The following SLC38A4 variants were observed in gnomAD, a reference collection of about 807,000 sequenced individuals.
SLC38A4 encodes solute carrier family 38 member 4.
Under a neutral mutation model 63.1 loss-of-function variants are expected in SLC38A4, and 20 were observed. The ratio of observed to expected loss-of-function variants is 0.32; its 90% CI spans 0.22 to 0.46. The LOEUF (loss-of-function observed/expected upper bound fraction) is 0.46. SLC38A4 is among the 20% of genes least tolerant of loss of function. SLC38A4 has a pLI of 1.00. For missense variants in SLC38A4, 526 were observed against 663.6 expected (o/e 0.79, Z 2.28); for synonymous variants, 230 against 225.5 (o/e 1.02, Z -0.18).
intron 14 of SLC38A4, among the ~76,000 whole-genome samples, chr12:46,773,999 G>A (rs1198113475): frequency 6.6e-6 from 1 of 151,938 alleles, no homozygotes; most frequent in East Asian, 1.9e-4. Context: ...GTTTATAGTT[G>A]TCTTCTGTCT....
chr12:46,769,519 T>G, intron 14 of SLC38A4, 91 bp from the exon 15 acceptor site: 10 of 1,383,558 alleles, frequency 7.2e-6, no homozygotes, highest in Non-Finnish European at 9.8e-6. Flanking sequence ...ATGCATTTTC[T>G]TTCCTTTTCT....
rs954597238 is a variant in SLC38A4 at position 46,764,805 on chromosome 12, G to T, written c.*1896C>A. 1 of 152,302 alleles carries T rather than the reference G, an allele frequency of 6.6e-6. No homozygotes were observed. The highest frequency in any genetic ancestry group is 2.4e-5 in the African/African-American group (1 of 41,408). The allele number at this position is 152,302 out of a possible 1,614,324, so 9.4% of individuals were successfully genotyped here. ...TATTATATACCAATATACACTTTCTGTAATAAAAAAGAAGCCTCCCAATAC... is the reference window on the plus strand; with the variant it reads ...TATTATATACCAATATACACTTTCTTTAATAAAAAAGAAGCCTCCCAATAC... On this transcript the variant is annotated 3_prime_UTR_variant, in exon 17 of 17. Transcript: ENST00000266579.
At chr12:46,826,012 T>C, upstream of SLC38A4, 1 of 152,402 alleles carries the variant, frequency 6.6e-6, no homozygotes, top group Non-Finnish European at 1.5e-5. Context: ...GCCCAGGACG[T>C]GCGGTCACTG....
At chr12:46,831,437 G>T (rs1435474149) in intron 1 of SLC38A4, among the ~76,000 whole-genome samples, 2 of 152,106 alleles carry the variant, frequency 1.3e-5, no homozygotes, top group Admixed American at 1.3e-4. Flanking sequence ...TCTTAGCTCG[G>T]TTGCCGCGAC....
upstream of SLC38A4, among the ~76,000 whole-genome samples, chr12:46,830,729 C>T (rs1015111127): frequency 1.3e-5 from 2 of 152,154 alleles, no homozygotes; most frequent in African/African-American, 4.8e-5. Context: ...GGAGAGTCTG[C>T]GGGAAGTGCC....
At chr12:46,805,565 A>G (rs117193269) in intron 1 of SLC38A4, among the ~76,000 whole-genome samples, 2 of 151,970 alleles carry the variant, frequency 1.3e-5, no homozygotes, top group Non-Finnish European at 2.9e-5. Flanking sequence ...TATAATTATA[A>G]TTTAATGTTC....
At chr12:46,821,110 T>C (rs375418029) in intron 1 of SLC38A4, among the ~76,000 whole-genome samples, 205 of 152,236 alleles carry the variant, frequency 1.3e-3, no homozygotes, top group African/African-American at 4.4e-3. Flanking sequence ...ATTCCGCAGG[T>C]TGCCTTTTCA....
rs1430900603 is a variant in SLC38A4, at chr12:46,766,031, TTTTAACA to T, written c.*663_*669del. The T allele has an allele frequency of 6.0e-6, 1 of 167,082 alleles. No individual in the cohort carries two copies. The highest frequency in any genetic ancestry group is 5.8e-5 in the Admixed American group (1 of 17,190). 10.3% of individuals were successfully genotyped at this position (167,082 alleles called of 1,614,324 possible). A position where few individuals can be genotyped will look rare whatever the true frequency, so the allele number is the denominator to read the frequency against. Reference sequence around the variant, plus strand: ...ATAAAGCCCCTCTCTATATTTAGTGTTTTAACATTTAAATATAGATGTTTTAACATTT... The same window carrying T: ...ATAAAGCCCCTCTCTATATTTAGTGTTTTAAATATAGATGTTTTAACATTT... On this transcript the variant is annotated 3_prime_UTR_variant, in exon 17 of 17. Coordinates refer to ENST00000266579, the MANE Select transcript of SLC38A4 (RefSeq NM_018018.5).
At chr12:46,797,271 A>G (rs1939029935) in intron 2 of SLC38A4, among the ~76,000 whole-genome samples, 1 of 152,122 alleles carries the variant, frequency 6.6e-6, no homozygotes, top group Non-Finnish European at 1.5e-5. Context: ...AAAGATTACC[A>G]TTTGAATCAA....
chr12:46,780,345 C>T (rs1275881101), intron 7 of SLC38A4, among the ~76,000 whole-genome samples: 1 of 151,964 alleles, frequency 6.6e-6, no homozygotes, highest in Non-Finnish European at 1.5e-5. Flanking sequence ...CTCAGTGTGC[C>T]TGTGTTAGTG....
chr12:46,773,039 GA>G lies in SLC38A4; in HGVS notation c.1299+2009del, dbSNP rs560012838. 1.4e-4 allele frequency among the ~76,000 whole-genome samples: 22 copies of G among 151,936 alleles called. 1 individual carries two copies. The highest frequency in any genetic ancestry group is 3.4e-3 in the Middle Eastern group (1 of 294). On this transcript the variant is annotated intron_variant, in intron 14 of 16. Coordinates refer to ENST00000266579, the MANE Select transcript of SLC38A4 (RefSeq NM_018018.5). ...TAACAACTTTTATCATTTTAGTAAA[GA>G]AAAAAAATTGAATTTAGCTTCAGAG...
chr12:46,800,710 A>G (rs1397311417), intron 2 of SLC38A4, among the ~76,000 whole-genome samples: 1 of 152,120 alleles, frequency 6.6e-6, no homozygotes, highest in Non-Finnish European at 1.5e-5. Context: ...TGTCTTAGGC[A>G]GAAGCTTCAT....
chr12:46,828,329 G>T (rs1240112804), upstream of SLC38A4, among the ~76,000 whole-genome samples: 2 of 151,482 alleles, frequency 1.3e-5, no homozygotes, highest in Non-Finnish European at 3.0e-5. Flanking sequence ...TTGTTGGTTG[G>T]TTGTTTGTTT....
intron 2 of SLC38A4, among the ~76,000 whole-genome samples, chr12:46,802,305 A>G (rs1289383727): frequency 6.6e-6 from 1 of 152,080 alleles, no homozygotes; most frequent in Non-Finnish European, 1.5e-5. Flanking sequence ...TCTGCTCCAC[A>G]TTTTAATGCA....
chr12:46,780,475 A>G (rs963846604), intron 7 of SLC38A4, among the ~76,000 whole-genome samples: 7 of 152,020 alleles, frequency 4.6e-5, no homozygotes, highest in South Asian at 2.1e-4. Context: ...ATGGGCACCA[A>G]TCTAGTCCTC....
intron 5 of SLC38A4, among the ~76,000 whole-genome samples, chr12:46,786,225 A>G (rs79295634): frequency 0.07 from 10,719 of 152,196 alleles, 414 homozygotes; most frequent in South Asian, 0.15. Context: ...CTGGAAAAAT[A>G]ATGAGCATTC....
In SLC38A4 at chr12:46,815,240, GATATATATATATATATATAT is replaced by G. The variant is rs56368111; in HGVS notation, c.-305+10643_-305+10662del. On this transcript the variant is annotated intron_variant, in intron 1 of 16. Transcript: ENST00000266579. Reference sequence around the variant, plus strand: ...TTTCAAGGATTATAAATGGCTAAAGGATATATATATATATATATATATATATATATATATATATATATATA... The same window carrying G: ...TTTCAAGGATTATAAATGGCTAAAGGATATATATATATATATATATATATA... 5.3e-3 allele frequency among the ~76,000 whole-genome samples: 478 copies of G among 89,638 alleles called. 7 individuals are homozygous for G. Among genetic ancestry groups the G allele is most frequent in the Middle Eastern group, 8.1e-3 (1 of 124 alleles). 58.8% of individuals were successfully genotyped at this position (89,638 alleles called of 152,430 possible).
At chr12:46,795,094 T>C (rs571917361) in intron 2 of SLC38A4, among the ~76,000 whole-genome samples, 21 of 152,180 alleles carry the variant, frequency 1.4e-4, no homozygotes, top group Non-Finnish European at 2.6e-4. Context: ...GTTTCTGTTT[T>C]TAGCTTGTTA....
chr12:46,806,885 A>T (rs1289058722), intron 1 of SLC38A4, among the ~76,000 whole-genome samples: 1 of 151,982 alleles, frequency 6.6e-6, no homozygotes, highest in Non-Finnish European at 1.5e-5. Flanking sequence ...TTGAGTAAGA[A>T]ATTTTCTTAT....
Sources: allele counts gnomAD v4.1 joint callset (sites outside exome capture counted in the v4.1 genomes callset), GRCh38; gene constraint gnomAD v4.1.1; transcripts MANE v1.5; gene names NCBI Gene and HGNC (gene_info 2026-07-23, HGNC 2026-07-21).